The following CDC42BPA variants were observed in gnomAD, a reference collection of about 807,000 sequenced individuals.
The protein encoded by CDC42BPA is serine/threonine-protein kinase MRCK alpha.
A neutral mutation model predicts 223.5 loss-of-function variants in CDC42BPA; 80 were observed. The observed-to-expected ratio is 0.36, with a 90% CI of 0.30 to 0.43. The LOEUF is 0.43. Among genes scored for constraint, CDC42BPA ranks in the 20% least tolerant of loss-of-function variants. The probability of loss-of-function intolerance (pLI) is 1.00; values close to 1 mark genes in which losing one functional copy is unlikely to be tolerated. For missense variants in CDC42BPA, 1,743 were observed against 2,099.9 expected (o/e 0.83, Z 3.32); for synonymous variants, 694 against 718.6 (o/e 0.97, Z 0.55).
intron 5 of CDC42BPA, among the ~76,000 whole-genome samples, chr1:227,190,102 T>G (rs1470544674): frequency 6.6e-6 from 1 of 152,220 alleles, no homozygotes; most frequent in Non-Finnish European, 1.5e-5. Context: ...CAAACTAGTC[T>G]ATTAAGTATT....
intron 27 of CDC42BPA, among the ~76,000 whole-genome samples, 197 bp from the exon 28 acceptor site, chr1:227,031,711 C>T (rs12407545): frequency 0.15 from 23,449 of 152,026 alleles, 2,186 homozygotes; most frequent in African/African-American, 0.25. Context: ...AGGTGGCAGA[C>T]ACCATTTGAA....
chr1:227,313,931 G>A (rs557106344), intron 1 of CDC42BPA, among the ~76,000 whole-genome samples: 2 of 152,142 alleles, frequency 1.3e-5, no homozygotes, highest in East Asian at 3.9e-4. Flanking sequence ...ATGTTACAAA[G>A]TCCAAAATTC....
chr1:227,094,544 T>G (rs976596459), intron 15 of CDC42BPA, among the ~76,000 whole-genome samples: 3 of 152,242 alleles, frequency 2.0e-5, no homozygotes, highest in African/African-American at 7.2e-5. Context: ...CAAGGTAACC[T>G]GGAAGTGTGT....
Position 227,317,302 on chromosome 1 carries a change from T to C in CDC42BPA, c.-120A>G, listed in dbSNP as rs1351636071. ...AAACCACTTGTTATTCAAACAACTG[T>C]CATGCAATGCTGGTGCTGAATTAAA... On this transcript the variant is annotated 5_prime_UTR_variant, in exon 1 of 37. Transcript: ENST00000366766. 1.9e-6 allele frequency: 2 copies of C among 1,035,122 alleles called. No individual in the cohort carries two copies. Among genetic ancestry groups the C allele is most frequent in the Non-Finnish European group, 2.8e-6 (2 of 719,730 alleles). 64.1% of individuals were successfully genotyped at this position (1,035,122 alleles called of 1,614,324 possible). A position where few individuals can be genotyped will look rare whatever the true frequency, so the allele number is the denominator to read the frequency against.
chr1:227,300,835 C>T (rs1214557497), intron 1 of CDC42BPA, among the ~76,000 whole-genome samples: 7 of 152,184 alleles, frequency 4.6e-5, no homozygotes, highest in East Asian at 3.9e-4. Flanking sequence ...TTTACACACA[C>T]GCACACACGG....
intron 5 of CDC42BPA, among the ~76,000 whole-genome samples, chr1:227,164,114 G>A (rs1334610226): frequency 7.2e-5 from 11 of 152,006 alleles, no homozygotes; most frequent in Non-Finnish European, 1.3e-4. Flanking sequence ...TAATTGCCAG[G>A]ATAACAGGCA....
chr1:227,282,195 A>G (rs927929085), intron 1 of CDC42BPA, among the ~76,000 whole-genome samples: 3 of 151,934 alleles, frequency 2.0e-5, no homozygotes, highest in African/African-American at 4.8e-5. Context: ...TCTCAAAAAA[A>G]AAAAAAAAAA....
rs35065841 is a variant in CDC42BPA at position 227,105,356 on chromosome 1, CTTTTTTTTTTTT to C, written c.2002-4129_2002-4118del. Among the ~76,000 whole-genome samples, 4 of 91,670 alleles carry C rather than the reference CTTTTTTTTTTTT, an allele frequency of 4.4e-5. No homozygotes were observed. The East Asian group carries it at 9.6e-4, about 22-fold the overall frequency. The allele number at this position is 91,670 out of a possible 152,430, so 60.1% of individuals were successfully genotyped here. On this transcript the variant is annotated intron_variant, in intron 14 of 36. Coordinates refer to ENST00000366766, the MANE Select transcript of CDC42BPA (RefSeq NM_001394014.1). ...TTGTATCTGTGAATTTGCCTATTCT[CTTTTTTTTTTTT>C]TTTTTTTTTTTGAGACAGGGTCTCA...
intron 1 of CDC42BPA, among the ~76,000 whole-genome samples, chr1:227,289,343 C>T (rs533724301): frequency 3.9e-4 from 60 of 152,272 alleles, no homozygotes; most frequent in Non-Finnish European, 7.8e-4. Context: ...ATCTTAAGGA[C>T]CCAGCACTTA....
chr1:227,066,280 C>T (rs1399566246), intron 21 of CDC42BPA, among the ~76,000 whole-genome samples: 4 of 151,970 alleles, frequency 2.6e-5, no homozygotes, highest in Non-Finnish European at 5.9e-5. Context: ...GTCCCAGCTA[C>T]TTGGGAGGCT....
At chr1:227,261,456 A>G (rs1684055243) in intron 1 of CDC42BPA, among the ~76,000 whole-genome samples, 1 of 150,674 alleles carries the variant, frequency 6.6e-6, no homozygotes, top group Non-Finnish European at 1.5e-5. Flanking sequence ...GTCCTTGTGC[A>G]TATATGGGCT....
At chr1:227,124,389 T>G (rs1011139696) in intron 11 of CDC42BPA, among the ~76,000 whole-genome samples, 17 of 152,236 alleles carry the variant, frequency 1.1e-4, no homozygotes, top group Admixed American at 3.3e-4. Flanking sequence ...ATTTTTTCTT[T>G]GGAGGTATAT....
intron 6 of CDC42BPA, 64 bp from the exon 7 acceptor site, chr1:227,147,623 T>G (rs1660921935): frequency 6.9e-6 from 6 of 866,208 alleles, no homozygotes; most frequent in Non-Finnish European, 6.9e-6. Context: ...AATAGTTACT[T>G]AAGATACACA....
chr1:227,303,305 C>A (rs1427062621), intron 1 of CDC42BPA, among the ~76,000 whole-genome samples: 1 of 152,208 alleles, frequency 6.6e-6, no homozygotes, highest in Non-Finnish European at 1.5e-5. Flanking sequence ...ATTCTCCAGA[C>A]AAGACTCTTC....
intron 34 of CDC42BPA, among the ~76,000 whole-genome samples, chr1:227,012,210 A>AAATGT (rs1665345528): frequency 6.6e-6 from 1 of 152,174 alleles, no homozygotes; most frequent in Non-Finnish European, 1.5e-5. Context: ...AAGCTAGGAG[A>AAATGT]AATGTAATGT....
In CDC42BPA at chr1:227,129,208, G is replaced by A. The variant is rs1656473743; in HGVS notation, c.1414C>T (p.Leu472=). The A allele has an allele frequency of 6.3e-7, 1 of 1,592,782 alleles. No homozygotes were observed. The highest frequency in any genetic ancestry group is 1.4e-5 in the African/African-American group (1 of 73,782). ...LQESTQTVQA[L]QYSTVDGPLT... is the part of the protein sequence containing the mutation. Reference sequence around the variant, plus strand: ...GGACCATCAACAGTTGAATACTGCAGAGCTTGGACAGTCTGTGTTGACTCT... The same window carrying A: ...GGACCATCAACAGTTGAATACTGCAAAGCTTGGACAGTCTGTGTTGACTCT... Residue 472 remains leucine (L), a synonymous_variant, in exon 11 of 37, where the codon CTG becomes TTG. Coordinates refer to ENST00000366766, the MANE Select transcript of CDC42BPA (RefSeq NM_001394014.1).
rs201507709 is a variant in CDC42BPA, at chr1:227,005,125, C to T, written c.4858-14G>A. 38 of 1,549,522 alleles carry T rather than the reference C, an allele frequency of 2.5e-5. 1 individual carries two copies. Among genetic ancestry groups the T allele is most frequent in the South Asian group, 1.0e-4 (9 of 89,850 alleles). ...AGGCCGAGGGTTCTATAAACAAAAG[C>T]GAGAGAGACATCCTTTAGCCAGAAA... On this transcript the variant is annotated splice_polypyrimidine_tract_variant and intron_variant, in intron 34 of 36. Coordinates refer to ENST00000366766, the MANE Select transcript of CDC42BPA (RefSeq NM_001394014.1).
In CDC42BPA at chr1:227,297,967, T is replaced by TATATACACACAC. The variant is rs369403944; in HGVS notation, c.178+19037_178+19038insGTGTGTGTATAT. Reference sequence around the variant, plus strand: ...GTGTGTGTGTGTGTATATATACATATACACACACACACACATATATACATA... The same window carrying TATATACACACAC: ...GTGTGTGTGTGTGTATATATACATATATATACACACACACACACACACACACATATATACATA... On this transcript the variant is annotated intron_variant, in intron 1 of 36. Coordinates refer to ENST00000366766, the MANE Select transcript of CDC42BPA (RefSeq NM_001394014.1). Among the ~76,000 whole-genome samples the TATATACACACAC allele has an allele frequency of 6.1e-4, 80 of 132,064 alleles. 2 individuals carry two copies. The highest frequency in any genetic ancestry group is 2.5e-3 in the East Asian group (12 of 4,748). 86.6% of individuals were successfully genotyped at this position (132,064 alleles called of 152,430 possible).
At chr1:227,241,180 C>A (rs1001550402) in intron 2 of CDC42BPA, among the ~76,000 whole-genome samples, 2 of 151,806 alleles carry the variant, frequency 1.3e-5, no homozygotes, top group Admixed American at 1.3e-4. Flanking sequence ...CACTACATAC[C>A]CACTAGAATG....
Sources: gnomAD v4.1 joint callset for allele counts (sites outside exome capture counted in the v4.1 genomes callset) on GRCh38, gnomAD v4.1.1 for gene constraint, MANE v1.5 for transcripts, NCBI Gene and HGNC (gene_info 2026-07-23, HGNC 2026-07-21) for gene names.